Variants in CYFIP1 observed in about 807,000 individuals in gnomAD.
CYFIP1 encodes the protein cytoplasmic FMR1-interacting protein 1.
In CYFIP1, 58 loss-of-function variants were observed where a neutral mutation model predicts 163.5. The observed-to-expected ratio is 0.35, with a 90% CI of 0.29 to 0.44. The LOEUF (loss-of-function observed/expected upper bound fraction) is 0.44. Ranked by LOEUF, CYFIP1 falls within the 20% of genes least tolerant of loss-of-function variation. The pLI is 1.00. For missense variants in CYFIP1, 1,338 were observed against 1,653.8 expected (o/e 0.81, Z 3.31); for synonymous variants, 663 against 660.7 (o/e 1.00, Z -0.05).
intron 16 of CYFIP1, among the ~76,000 whole-genome samples, chr15:22,915,436 C>A (rs887335625): frequency 6.6e-6 from 1 of 152,064 alleles, no homozygotes; most frequent in Non-Finnish European, 1.5e-5. Context: ...TAAAAATGTT[C>A]TTCTCAAAAG....
chr15:22,918,253 A>G (rs2142114813), intron 14 of CYFIP1, among the ~76,000 whole-genome samples: 1 of 152,264 alleles, frequency 6.6e-6, no homozygotes, highest in African/African-American at 2.4e-5. Flanking sequence ...CTCCGCACGG[A>G]GCAGAGCTGG....
At chr15:22,892,820 A>G in intron 23 of CYFIP1, 70 bp downstream of exon 23, 1 of 1,218,900 alleles carries the variant, frequency 8.2e-7, no homozygotes, top group South Asian at 1.2e-5. Context: ...AACCAAACCA[A>G]TTAAACTACA....
At chr15:22,925,274 G>C (rs2061322429) in intron 13 of CYFIP1, among the ~76,000 whole-genome samples, 1 of 152,130 alleles carries the variant, frequency 6.6e-6, no homozygotes, top group South Asian at 2.1e-4. Context: ...GGAAGTCTAG[G>C]AGACAGAAAG....
intron 21 of CYFIP1, among the ~76,000 whole-genome samples, chr15:22,907,107 G>T (rs1737989878): frequency 6.6e-6 from 1 of 152,156 alleles, no homozygotes; most frequent in African/African-American, 2.4e-5. Context: ...ATTCCCAGCA[G>T]CTTCTCCCAT....
intron 23 of CYFIP1, among the ~76,000 whole-genome samples, chr15:22,884,898 T>C (rs1301053365): frequency 7.0e-6 from 1 of 142,330 alleles, no homozygotes; most frequent in Non-Finnish European, 1.5e-5. Flanking sequence ...AGCTGTATGT[T>C]GGCCCCTTTT....
chr15:22,966,373 CAAAA>C (rs35976278), intron 1 of CYFIP1, among the ~76,000 whole-genome samples: 2 of 96,908 alleles, frequency 2.1e-5, no homozygotes, highest in Non-Finnish European at 4.1e-5. Context: ...AACTCCGTCT[CAAAA>C]AAAAAAAAAA....
rs2142106407 is a variant in CYFIP1, at chr15:22,917,134, G to A, written c.1675-504C>T. 1 of 1,444,492 alleles carries A rather than the reference G, an allele frequency of 6.9e-7. No individual in the cohort carries two copies. Among genetic ancestry groups the A allele is most frequent in the South Asian group, 1.5e-5 (1 of 67,330 alleles). 89.5% of individuals were successfully genotyped at this position (1,444,492 alleles called of 1,614,324 possible). A position where few individuals can be genotyped will look rare whatever the true frequency, so the allele number is the denominator to read the frequency against. ...GACGCACGCAGAGGGAGGCAGGGAG[G>A]GTGGCTGGCACCACGCACAGGCCGA... On this transcript the variant is annotated intron_variant, in intron 15 of 30. Transcript: ENST00000617928. The surrounding 1 kb of genome is among the most constrained non-coding windows in gnomAD (Gnocchi z 4.2).
At chr15:22,902,983 G>A (rs1045581105) in intron 22 of CYFIP1, among the ~76,000 whole-genome samples, 4 of 152,228 alleles carry the variant, frequency 2.6e-5, no homozygotes, top group African/African-American at 7.2e-5. Flanking sequence ...ATGTGGGTGG[G>A]ACGCGGAGAT....
upstream of CYFIP1, chr15:22,980,418 T>G (rs1396398652): frequency 6.6e-6 from 1 of 151,710 alleles, no homozygotes; most frequent in Non-Finnish European, 1.5e-5. Context: ...GCGGGGGCTC[T>G]CCCGGCTCGG....
chr15:22,889,046 A>T (rs10152454), intron 23 of CYFIP1, among the ~76,000 whole-genome samples: 80,680 of 151,494 alleles, frequency 0.53, 21,993 homozygotes, highest in Admixed American at 0.63. Flanking sequence ...CTCAAAAAAA[A>T]AAAACACACA....
intron 1 of CYFIP1, among the ~76,000 whole-genome samples, chr15:22,949,523 C>T (rs1441557685): frequency 6.6e-6 from 1 of 152,058 alleles, no homozygotes; most frequent in Non-Finnish European, 1.5e-5. Flanking sequence ...GCGGCGAGGG[C>T]GCAGGACACA....
chr15:22,952,269 G>A (rs1374689935), intron 1 of CYFIP1, among the ~76,000 whole-genome samples: 1 of 152,036 alleles, frequency 6.6e-6, no homozygotes, highest in Non-Finnish European at 1.5e-5. Context: ...ACAGAGTTTC[G>A]GCTTGGAAAG....
intron 1 of CYFIP1, among the ~76,000 whole-genome samples, chr15:22,974,033 G>A (rs1371162695): frequency 2.6e-5 from 4 of 152,160 alleles, no homozygotes; most frequent in African/African-American, 9.7e-5. Flanking sequence ...AACAAGTGTT[G>A]TCCAGGGTGT....
chr15:22,927,759 A>C (rs1183106258), intron 12 of CYFIP1, 147 bp downstream of exon 12: 13 of 717,908 alleles, frequency 1.8e-5, no homozygotes, highest in Non-Finnish European at 2.5e-5. Flanking sequence ...AATGAGATGT[A>C]CTTAAAATCA....
intron 11 of CYFIP1, among the ~76,000 whole-genome samples, chr15:22,930,255 G>A (rs56316932): frequency 0.18 from 27,845 of 151,288 alleles, 2,746 homozygotes; most frequent in Middle Eastern, 0.24. Context: ...TTAGCCGGGC[G>A]TAGTGGTGGG....
intron 22 of CYFIP1, among the ~76,000 whole-genome samples, chr15:22,897,305 C>T (rs970473761): frequency 2.0e-5 from 3 of 150,798 alleles, no homozygotes; most frequent in Admixed American, 6.6e-5. Context: ...TCCAGAATGG[C>T]AAGAATAGGG....
At chr15:22,963,560 A>ATAACATAACATAACATAACATAACAT (rs199915541) in intron 1 of CYFIP1, among the ~76,000 whole-genome samples, 9 of 118,748 alleles carry the variant, frequency 7.6e-5, no homozygotes, top group African/African-American at 2.5e-4. Flanking sequence ...ATAACATAAG[A>ATAACATAACATAACATAACATAACAT]AAGAATGAAA....
intron 23 of CYFIP1, among the ~76,000 whole-genome samples, chr15:22,888,403 T>C (rs1404118407): frequency 6.6e-6 from 1 of 152,166 alleles, no homozygotes; most frequent in Admixed American, 6.5e-5. Context: ...TCAACATCAG[T>C]GTCACTTGTA....
chr15:22,978,880 G>C (rs2063371321), intron 1 of CYFIP1, among the ~76,000 whole-genome samples: 1 of 152,124 alleles, frequency 6.6e-6, no homozygotes, highest in African/African-American at 2.4e-5. Flanking sequence ...CTGCAAGAGC[G>C]GGGAGGAGAG....
Sources: gnomAD v4.1 joint callset for allele counts (sites outside exome capture counted in the v4.1 genomes callset) on GRCh38, gnomAD v4.1.1 for gene constraint, Gnocchi (gnomAD v3.1) non-coding constraint, MANE v1.5 for transcripts, NCBI Gene and HGNC (gene_info 2026-07-23, HGNC 2026-07-21) for gene names.